FAM107A: variants seen among roughly 807,000 people sequenced by gnomAD.
FAM107A encodes actin-associated protein FAM107A.
A neutral mutation model predicts 13.7 loss-of-function variants in FAM107A; 19 were observed. The ratio of observed to expected loss-of-function variants is 1.38; its 90% CI spans 0.97 to 2.03. The LOEUF (loss-of-function observed/expected upper bound fraction) is 2.03. Among genes scored for constraint, FAM107A ranks in the 30% most tolerant of loss-of-function variants. FAM107A has a pLI of 0.00. For synonymous variants in FAM107A, 82 were observed against 74.5 expected, an observed-to-expected ratio of 1.10 and a Z score of -0.52; for missense variants, 203 against 184.4, an observed-to-expected ratio of 1.10 and a Z score of -0.58.
At chr3:58,623,033 G>T (rs972311560) in intron 1 of FAM107A, among the ~76,000 whole-genome samples, 2 of 152,122 alleles carry the variant, frequency 1.3e-5, no homozygotes, top group Non-Finnish European at 2.9e-5. Context: ...TCACTGAGCT[G>T]GGCGCAATGA....
intron 1 of FAM107A, among the ~76,000 whole-genome samples, chr3:58,599,507 T>C (rs1355453211): frequency 6.6e-6 from 1 of 152,164 alleles, no homozygotes; most frequent in Non-Finnish European, 1.5e-5. Context: ...GTTTGTCTCC[T>C]GAAAACTAAT....
chr3:58,618,288 A>T (rs1300084274), intron 1 of FAM107A, among the ~76,000 whole-genome samples: 2 of 152,218 alleles, frequency 1.3e-5, no homozygotes, highest in African/African-American at 4.8e-5. Context: ...TGGCTGTGAA[A>T]TGGGGAAAAC....
intron 1 of FAM107A, among the ~76,000 whole-genome samples, chr3:58,615,116 G>A (rs1206746087): frequency 6.6e-6 from 1 of 152,156 alleles, no homozygotes; most frequent in Non-Finnish European, 1.5e-5. Context: ...CAAGCCAATA[G>A]GATTTTTGTT....
intron 1 of FAM107A, among the ~76,000 whole-genome samples, chr3:58,619,406 A>G (rs1318111095): frequency 6.6e-6 from 1 of 152,066 alleles, no homozygotes; most frequent in East Asian, 1.9e-4. Context: ...GCAGTCCCTA[A>G]CCCCAGAACC....
intron 1 of FAM107A, among the ~76,000 whole-genome samples, chr3:58,583,948 C>T (rs1403864322): frequency 6.6e-6 from 1 of 152,196 alleles, no homozygotes; most frequent in African/African-American, 2.4e-5. Flanking sequence ...ATATTATCTG[C>T]TGCATGACTT....
chr3:58,621,103 T>C (rs913588645), intron 1 of FAM107A, among the ~76,000 whole-genome samples: 1 of 152,102 alleles, frequency 6.6e-6, no homozygotes, highest in Non-Finnish European at 1.5e-5. Flanking sequence ...TATTTACCAG[T>C]TTGCTGAGGC....
In FAM107A at chr3:58,569,840, C is replaced by T. The variant is rs2063663856; in HGVS notation, c.21G>A (p.Arg7=). Reference sequence around the variant, plus strand: ...TCAGGCCCCCAATGTCTGCCCGCTCCCTCTGGATCTCCGAGTACATGGCGG... The same window carrying T: ...TCAGGCCCCCAATGTCTGCCCGCTCTCTCTGGATCTCCGAGTACATGGCGG... MYSEIQ[R]ERADIGGLMA... is the part of the protein sequence containing the mutation. Residue 7 remains arginine, a synonymous_variant, in exon 2 of 4, where the codon AGG becomes AGA. Coordinates refer to ENST00000360997, the MANE Select transcript of FAM107A (RefSeq NM_001076778.3). The surrounding 1 kb of genome is among the most constrained non-coding windows in gnomAD (Gnocchi z 5.7). 1.2e-6 allele frequency: 2 copies of T among 1,613,980 alleles called. No individual in the cohort carries two copies. The highest frequency in any genetic ancestry group is 2.2e-5 in the East Asian group (1 of 44,904).
rs1005760127 is a variant in FAM107A, at chr3:58,604,524, C to T, written c.-69-15255G>A. 6.6e-6 allele frequency among the ~76,000 whole-genome samples: 1 copy of T among 152,158 alleles called. No homozygotes were observed. The highest frequency in any genetic ancestry group is 1.5e-5 in the Non-Finnish European group (1 of 68,036). On this transcript the variant is annotated intron_variant, in intron 1 of 3. Transcript: ENST00000465970. This position sits in a 1 kb window ranked among gnomAD's most constrained non-coding sequence, Gnocchi z 4.1. Reference sequence around the variant, plus strand: ...CAGTGAGTTAGTGGCAGGGTCATAACTTGTTTCTCTCATTGTTGCACGTGA... The same window carrying T: ...CAGTGAGTTAGTGGCAGGGTCATAATTTGTTTCTCTCATTGTTGCACGTGA...
chr3:58,585,021 A>G (rs1355042827), intron 1 of FAM107A, among the ~76,000 whole-genome samples: 1 of 152,216 alleles, frequency 6.6e-6, no homozygotes, highest in Non-Finnish European at 1.5e-5. Flanking sequence ...TCAATGGGTA[A>G]CACTTGTAGA....
At chr3:58,589,406 G>C (rs1171062754), upstream of FAM107A, 15 of 617,250 alleles carry the variant, frequency 2.4e-5, no homozygotes, top group South Asian at 2.9e-4. Context: ...TCCAGAGAAA[G>C]AAATTACCAT....
At chr3:58,599,982 C>T (rs962847291) in intron 1 of FAM107A, among the ~76,000 whole-genome samples, 3 of 151,808 alleles carry the variant, frequency 2.0e-5, no homozygotes, top group Non-Finnish European at 4.4e-5. Context: ...AGCCCAGGTG[C>T]AGTATTAAAT....
chr3:58,581,536 C>A (rs527802226), upstream of FAM107A, among the ~76,000 whole-genome samples: 2 of 152,256 alleles, frequency 1.3e-5, no homozygotes, highest in South Asian at 4.1e-4. Context: ...CTCCAAGGCC[C>A]CTTTTCAAGG....
At chr3:58,619,079 C>A (rs1444779084) in intron 1 of FAM107A, among the ~76,000 whole-genome samples, 1 of 152,338 alleles carries the variant, frequency 6.6e-6, no homozygotes, top group East Asian at 1.9e-4. Flanking sequence ...TGGCTCACTG[C>A]AGCCTTGACC....
intron 1 of FAM107A, among the ~76,000 whole-genome samples, chr3:58,599,762 G>A (rs2065738608): frequency 7.8e-6 from 1 of 127,390 alleles, no homozygotes; most frequent in South Asian, 2.4e-4. Flanking sequence ...CTGTCACCTA[G>A]GCTGGAATGC....
chr3:58,627,051 C>T (rs1266362324), intron 1 of FAM107A: 3 of 1,519,886 alleles, frequency 2.0e-6, no homozygotes, highest in Non-Finnish European at 2.6e-6. Context: ...GGGGTCCTCC[C>T]TGCTGGCGTT....
intron 3 of FAM107A, 75 bp downstream of exon 3, chr3:58,567,133 G>A (rs1410331341): frequency 1.3e-6 from 2 of 1,548,370 alleles, no homozygotes; most frequent in South Asian, 1.1e-5. Context: ...CTTACTAGCT[G>A]TGGCCACAGC....
At chr3:58,587,474 AGT>A (rs376881213), upstream of FAM107A, among the ~76,000 whole-genome samples, 49,891 of 144,482 alleles carry the variant, frequency 0.35, 8,748 homozygotes, top group Non-Finnish European at 0.43. Flanking sequence ...ATCAGCTTAG[AGT>A]GTGTGTGTGT....
chr3:58,577,802 A>G (rs28658394), upstream of FAM107A: 1 of 878,366 alleles, frequency 1.1e-6, no homozygotes, highest in Non-Finnish European at 1.4e-6. This position sits in a 1 kb window ranked among gnomAD's most constrained non-coding sequence, Gnocchi z 4.9. Context: ...CTCTGGGGGG[A>G]AAAGGGTGGG....
At chr3:58,610,566 G>A (rs79285801) in intron 1 of FAM107A, among the ~76,000 whole-genome samples, 2,999 of 151,842 alleles carry the variant, frequency 0.02, 46 homozygotes, top group Non-Finnish European at 0.027. Flanking sequence ...AGTTTCTCAT[G>A]GGAGAAATGG....
Sources: gnomAD v4.1 joint callset for allele counts (sites outside exome capture counted in the v4.1 genomes callset) on GRCh38, gnomAD v4.1.1 for gene constraint, Gnocchi (gnomAD v3.1) non-coding constraint, MANE v1.5 for transcripts, NCBI Gene and HGNC (gene_info 2026-07-23, HGNC 2026-07-21) for gene names.